MDGA2: variants seen among roughly 807,000 people sequenced by gnomAD.
MDGA2 encodes MAM domain-containing glycosylphosphatidylinositol anchor protein 2.
MDGA2 carries 40 observed loss-of-function variants against 117.8 expected under a neutral mutation model. The ratio of observed to expected loss-of-function variants is 0.34; its 90% CI spans 0.26 to 0.44. MDGA2 has a LOEUF of 0.44. Ranked by LOEUF, MDGA2 falls within the 20% of genes least tolerant of loss-of-function variation. The pLI is 1.00. For missense variants in MDGA2, 1,123 were observed against 1,250.6 expected (o/e 0.90, Z 1.54); for synonymous variants, 452 against 439.0 (o/e 1.03, Z -0.37).
At chr14:47,139,219 C>A in intron 4 of MDGA2, among the ~76,000 whole-genome samples, 1 of 151,780 alleles carries the variant, frequency 6.6e-6, no homozygotes, top group East Asian at 1.9e-4. Flanking sequence ...CCATATATAC[C>A]CAGTATGACT....
chr14:47,191,927 T>G (rs978149792), intron 3 of MDGA2, among the ~76,000 whole-genome samples: 4 of 152,042 alleles, frequency 2.6e-5, no homozygotes, highest in African/African-American at 7.2e-5. Context: ...CTACTACAGC[T>G]CATGTAAATG....
At chr14:47,046,628 TAAATA>T (rs1889276600) in intron 7 of MDGA2, among the ~76,000 whole-genome samples, 1 of 135,406 alleles carries the variant, frequency 7.4e-6, no homozygotes, top group African/African-American at 2.6e-5. Context: ...TAAATAAATA[TAAATA>T]AAATAATGCA....
At chr14:46,972,547 C>T (rs1011971990) in intron 8 of MDGA2, among the ~76,000 whole-genome samples, 15 of 152,066 alleles carry the variant, frequency 9.9e-5, no homozygotes, top group African/African-American at 3.6e-4. Context: ...ATCACTATCT[C>T]CTTTTTATAG....
chr14:47,327,858 A>G (rs547365999), intron 1 of MDGA2, among the ~76,000 whole-genome samples: 12 of 152,300 alleles, frequency 7.9e-5, no homozygotes, highest in African/African-American at 2.6e-4. Context: ...AAGCTTAGAG[A>G]AAGTAAGTGA....
At chr14:46,946,333 T>A (rs1885171588) in intron 9 of MDGA2, among the ~76,000 whole-genome samples, 1 of 152,008 alleles carries the variant, frequency 6.6e-6, no homozygotes, top group African/African-American at 2.4e-5. Flanking sequence ...TATATGATAA[T>A]TATTGAAACT....
chr14:47,674,724 A>T lies in MDGA2; in HGVS notation c.73T>A (p.Phe25Ile). ...CCGGGAACCGCTCGCCGAAGGAGGA[A>T]GCGCCGTCCGTCTGTCCTTCCCCGG... ...RRRGRTDGRR[F>I]LLRRAVPGHL... Residue 25 changes from phenylalanine to isoleucine, a missense_variant, in exon 1 of 17, where the codon TTC becomes ATC. Transcript: ENST00000399232. The T allele has an allele frequency of 1.2e-6, 1 of 829,868 alleles. No individual in the cohort carries two copies. Among genetic ancestry groups the T allele is most frequent in the Non-Finnish European group, 2.0e-6 (1 of 492,296 alleles). 51.4% of individuals were successfully genotyped at this position (829,868 alleles called of 1,614,324 possible).
At chr14:46,887,140 C>T (rs933906420) in intron 10 of MDGA2, among the ~76,000 whole-genome samples, 1 of 151,968 alleles carries the variant, frequency 6.6e-6, no homozygotes, top group African/African-American at 2.4e-5. Context: ...TTGATAACTT[C>T]CTAACTTGTA....
At chr14:46,900,944 G>A (rs950859235) in intron 10 of MDGA2, among the ~76,000 whole-genome samples, 1 of 151,900 alleles carries the variant, frequency 6.6e-6, no homozygotes, top group African/African-American at 2.4e-5. Context: ...ATGGGAGAAG[G>A]TTTCATGGAA....
chr14:47,112,168 G>C (rs1045706923), intron 5 of MDGA2, among the ~76,000 whole-genome samples: 2 of 152,146 alleles, frequency 1.3e-5, no homozygotes, highest in African/African-American at 4.8e-5. Context: ...AAAGAAATGG[G>C]AAGAGAAGAG....
At chr14:47,652,822 A>G (rs1594964459) in intron 1 of MDGA2, among the ~76,000 whole-genome samples, 1 of 152,162 alleles carries the variant, frequency 6.6e-6, no homozygotes, top group Non-Finnish European at 1.5e-5. Context: ...GAAAGAAAAC[A>G]TATCACTTTT....
intron 5 of MDGA2, among the ~76,000 whole-genome samples, chr14:47,124,097 G>A (rs1460130196): frequency 1.3e-5 from 2 of 151,954 alleles, no homozygotes; most frequent in African/African-American, 4.8e-5. Context: ...TATTATCTAT[G>A]ATAAAAAATT....
chr14:47,291,934 A>G (rs1258190919), intron 2 of MDGA2, among the ~76,000 whole-genome samples: 1 of 152,170 alleles, frequency 6.6e-6, no homozygotes, highest in Non-Finnish European at 1.5e-5. Flanking sequence ...CATGTGGATT[A>G]CTGTCTATCC....
chr14:47,399,754 T>A (rs898713744), intron 1 of MDGA2, among the ~76,000 whole-genome samples: 10 of 130,588 alleles, frequency 7.7e-5, no homozygotes, highest in Admixed American at 1.7e-4. Context: ...AAATCATGTC[T>A]GTTTTTTTGT....
At chr14:47,668,419 G>T (rs1193069325) in intron 1 of MDGA2, among the ~76,000 whole-genome samples, 2 of 152,152 alleles carry the variant, frequency 1.3e-5, no homozygotes, top group Non-Finnish European at 2.9e-5. Context: ...AAACAATGCA[G>T]GACCTCCATC....
chr14:47,000,348 T>TAC (rs67693623), intron 8 of MDGA2, among the ~76,000 whole-genome samples: 78 of 83,296 alleles, frequency 9.4e-4, no homozygotes, highest in South Asian at 7.7e-3. Context: ...TATATATATA[T>TAC]ACACACACAT....
At chr14:46,956,987 CTG>C (rs1885587294) in intron 9 of MDGA2, among the ~76,000 whole-genome samples, 1 of 152,144 alleles carries the variant, frequency 6.6e-6, no homozygotes, top group Non-Finnish European at 1.5e-5. Flanking sequence ...TTTGCCATGA[CTG>C]TAAGTTTCCT....
intron 1 of MDGA2, among the ~76,000 whole-genome samples, chr14:47,671,379 A>G (rs1435805973): frequency 6.6e-6 from 1 of 152,226 alleles, no homozygotes. Flanking sequence ...AATATTCTCA[A>G]TTCACTAAAA....
At chr14:47,079,142 TCC>T (rs1228216290) in intron 6 of MDGA2, among the ~76,000 whole-genome samples, 3 of 152,146 alleles carry the variant, frequency 2.0e-5, no homozygotes, top group African/African-American at 7.2e-5. Context: ...ACATAAAAAT[TCC>T]TTAATAAAAT....
chr14:47,274,171 T>C (rs2139712584), intron 2 of MDGA2, among the ~76,000 whole-genome samples: 1 of 152,160 alleles, frequency 6.6e-6, no homozygotes, highest in South Asian at 2.1e-4. Flanking sequence ...TTTAGAACAT[T>C]TTGGTTCCCT....
Sources: allele counts gnomAD v4.1 joint callset (sites outside exome capture counted in the v4.1 genomes callset), GRCh38; gene constraint gnomAD v4.1.1; transcripts MANE v1.5; gene names NCBI Gene and HGNC (gene_info 2026-07-23, HGNC 2026-07-21).